The following KCNMA1 variants were observed in gnomAD, a reference collection of about 807,000 sequenced individuals.
KCNMA1 encodes the protein potassium calcium-activated channel subfamily M alpha 1, also known as Calcium-activated potassium channel subunit alpha-1.
KCNMA1 carries 29 observed loss-of-function variants against 140.0 expected under a neutral mutation model. The ratio of observed to expected loss-of-function variants is 0.21; its 90% CI spans 0.15 to 0.28. The LOEUF is 0.28. Ranked by LOEUF, KCNMA1 falls within the 10% of genes least tolerant of loss-of-function variation. The pLI is 1.00. For synonymous variants in KCNMA1, 612 were observed against 611.9 expected, an observed-to-expected ratio of 1.00 and a Z score of 0.00; for missense variants, 880 against 1,602.2, an observed-to-expected ratio of 0.55 and a Z score of 7.70.
chr10:76,962,470 C>T (rs1384609156), intron 20 of KCNMA1, among the ~76,000 whole-genome samples: 1 of 152,150 alleles, frequency 6.6e-6, no homozygotes, highest in Non-Finnish European at 1.5e-5. Context: ...AATTTCTCAT[C>T]CCTCCACAGA....
At chr10:77,095,203 C>A (rs2096901769) in intron 9 of KCNMA1, among the ~76,000 whole-genome samples, 2 of 152,192 alleles carry the variant, frequency 1.3e-5, no homozygotes, top group Non-Finnish European at 2.9e-5. Flanking sequence ...TGACCAATTT[C>A]TATAGGGCCT....
chr10:77,595,633 A>C (rs1175191556), intron 1 of KCNMA1, among the ~76,000 whole-genome samples: 2 of 152,096 alleles, frequency 1.3e-5, no homozygotes, highest in African/African-American at 4.8e-5. Context: ...AGAAGCGCGG[A>C]TCAACCTCTA....
intron 3 of KCNMA1, among the ~76,000 whole-genome samples, chr10:77,213,938 G>A (rs1434423048): frequency 1.3e-5 from 2 of 151,852 alleles, no homozygotes; most frequent in African/African-American, 2.4e-5. Flanking sequence ...CACCTCCCCC[G>A]ACATCCCACC....
At chr10:77,002,940 T>C (rs1210027325) in intron 18 of KCNMA1, among the ~76,000 whole-genome samples, 1 of 152,192 alleles carries the variant, frequency 6.6e-6, no homozygotes, top group Non-Finnish European at 1.5e-5. Context: ...CCACTCTTTC[T>C]TTTTCTTTGT....
At chr10:76,926,059 G>A (rs765378310) in intron 23 of KCNMA1, among the ~76,000 whole-genome samples, 8 of 152,250 alleles carry the variant, frequency 5.3e-5, no homozygotes, top group African/African-American at 1.9e-4. Context: ...CTGTACATAC[G>A]TTTATGCTGG....
intron 2 of KCNMA1, among the ~76,000 whole-genome samples, chr10:77,346,591 G>C (rs1353601286): frequency 6.6e-6 from 1 of 152,192 alleles, no homozygotes; most frequent in Non-Finnish European, 1.5e-5. Context: ...TCAGCTAGAA[G>C]ACTTGCTGGG....
chr10:77,255,614 T>TA (rs2060559167), intron 2 of KCNMA1, among the ~76,000 whole-genome samples: 1 of 135,616 alleles, frequency 7.4e-6, no homozygotes, highest in African/African-American at 2.8e-5. Context: ...AAAAGCAAAA[T>TA]AAAAAAATAT....
intron 1 of KCNMA1, among the ~76,000 whole-genome samples, chr10:77,536,836 C>T (rs2059004866): frequency 6.6e-6 from 1 of 152,190 alleles, no homozygotes; most frequent in Non-Finnish European, 1.5e-5. Flanking sequence ...TGCCAACATC[C>T]ACACCTTTCT....
intron 1 of KCNMA1, among the ~76,000 whole-genome samples, chr10:77,543,171 C>T (rs2060597282): frequency 6.6e-6 from 1 of 152,112 alleles, no homozygotes; most frequent in African/African-American, 2.4e-5. Context: ...GTGGAATGAG[C>T]CCTGGAACAG....
intron 1 of KCNMA1, among the ~76,000 whole-genome samples, chr10:77,570,064 A>C (rs1186940001): frequency 1.3e-5 from 2 of 151,680 alleles, no homozygotes; most frequent in East Asian, 3.9e-4. Flanking sequence ...TTCGAATGGC[A>C]ATCATTAAAA....
chr10:77,285,690 A>AT (rs948766636), intron 2 of KCNMA1, among the ~76,000 whole-genome samples: 3 of 44,092 alleles, frequency 6.8e-5, no homozygotes, highest in African/African-American at 3.5e-4. Context: ...ACTGGGTGTT[A>AT]CCACATGGCA....
intron 15 of KCNMA1, among the ~76,000 whole-genome samples, chr10:77,032,405 T>A (rs1283273039): frequency 1.3e-5 from 2 of 151,848 alleles, no homozygotes; most frequent in African/African-American, 4.8e-5. Context: ...TGAGGTGAGG[T>A]AAGGGGAAAA....
chr10:77,333,176 C>A (rs373742767), intron 2 of KCNMA1, among the ~76,000 whole-genome samples: 2 of 151,952 alleles, frequency 1.3e-5, no homozygotes, highest in East Asian at 1.9e-4. Flanking sequence ...GAGTCCTATA[C>A]CTTGGATTGC....
chr10:76,915,725 T>A (rs1387010348), intron 23 of KCNMA1, among the ~76,000 whole-genome samples: 1 of 152,156 alleles, frequency 6.6e-6, no homozygotes, highest in Admixed American at 6.5e-5. Context: ...TAGGCCTCAG[T>A]TTTCACAGAG....
intron 19 of KCNMA1, among the ~76,000 whole-genome samples, chr10:76,986,360 C>T (rs2081271239): frequency 6.6e-6 from 1 of 152,214 alleles, no homozygotes; most frequent in South Asian, 2.1e-4. Flanking sequence ...GGGTAAGGCA[C>T]ATGTGTGAAG....
At chr10:77,140,355 C>G (rs1376529217) in intron 5 of KCNMA1, 2 of 152,946 alleles carry the variant, frequency 1.3e-5, no homozygotes, top group Non-Finnish European at 2.9e-5. Context: ...GCGGTTCCTC[C>G]TTCTCCGGAG....
chr10:77,495,786 C>A (rs765682601), intron 1 of KCNMA1, among the ~76,000 whole-genome samples: 1 of 152,148 alleles, frequency 6.6e-6, no homozygotes, highest in African/African-American at 2.4e-5. Context: ...GGAAAGCCAG[C>A]CTCATGATGA....
intron 14 of KCNMA1, among the ~76,000 whole-genome samples, chr10:77,058,571 A>G (rs1314286818): frequency 1.3e-5 from 2 of 152,140 alleles, no homozygotes; most frequent in East Asian, 3.8e-4. Context: ...GTTCTTAACC[A>G]TAATGGAATC....
intron 5 of KCNMA1, among the ~76,000 whole-genome samples, chr10:77,137,953 GAC>G (rs2098083756): frequency 6.6e-6 from 1 of 151,986 alleles, no homozygotes; most frequent in South Asian, 2.1e-4. Context: ...TTTTTTTAGT[GAC>G]ACAGTTTCAC....
Sources: allele counts gnomAD v4.1 joint callset (sites outside exome capture counted in the v4.1 genomes callset), GRCh38; gene constraint gnomAD v4.1.1; transcripts MANE v1.5; gene names NCBI Gene and HGNC (gene_info 2026-07-23, HGNC 2026-07-21).